Variants in NOL11 observed in about 807,000 individuals in gnomAD.
NOL11 encodes nucleolar protein 11.
A neutral mutation model predicts 93.0 loss-of-function variants in NOL11; 42 were observed. The ratio of observed to expected loss-of-function variants is 0.45; its 90% confidence interval spans 0.35 to 0.58. NOL11 has a LOEUF of 0.58. NOL11 is among the 20% of genes least tolerant of loss of function. NOL11 has a pLI of 0.00. For synonymous variants in NOL11, 296 were observed against 293.7 expected (o/e 1.01, Z -0.08); for missense variants, 775 against 841.8 (o/e 0.92, Z 0.98).
chr17:67,741,934 A>C (rs920718180), intron 16 of NOL11, among the ~76,000 whole-genome samples: 6 of 152,198 alleles, frequency 3.9e-5, no homozygotes, highest in Non-Finnish European at 7.4e-5. Flanking sequence ...TAACCAATGC[A>C]TACTATTTCA....
rs2055220946 is a variant in NOL11, at chr17:67,738,212, A to T, written c.1620A>T (p.Glu540Asp). 2 of 1,613,238 alleles carry T rather than the reference A, an allele frequency of 1.2e-6. No individual in the cohort carries two copies. The highest frequency in any genetic ancestry group is 2.7e-5 in the African/African-American group (2 of 75,044). The change falls in exon 14 of 18, where the codon GAA (glutamate) becomes GAT (aspartate). Residue 540 changes from glutamate (E) to aspartate (D), a missense_variant. Physicochemically the swap from Glu to Asp is conservative, Grantham distance 45 (BLOSUM62 2). Transcript: ENST00000253247. ...ATTCTGTACATGATGAGAAAATGGA[A>T]GAGCAAACTGAAATTCTTCAAAATG... ...SINSVHDEKMEEQTEILQNGF... is the reference protein window; with the variant it reads ...SINSVHDEKMDEQTEILQNGF...
chr17:67,738,191 T>C lies in NOL11; in HGVS notation c.1599T>C (p.Ser533=). The change falls in exon 14 of 18, where the codon TCT becomes TCC. Residue 533 remains serine, a synonymous_variant. Transcript: ENST00000253247. The part of the protein sequence containing the change: ...MESVFDYSIN[S]VHDEKMEEQT... ...CAGTTTTTGACTATAGTATAAATTC[T>C]GTACATGATGAGAAAATGGAAGAGC... The C allele has an allele frequency of 1.2e-6, 2 of 1,613,480 alleles. No homozygotes were observed. Among genetic ancestry groups the C allele is most frequent in the Non-Finnish European group, 1.7e-6 (2 of 1,179,692 alleles).
intron 7 of NOL11, among the ~76,000 whole-genome samples, chr17:67,728,130 G>C (rs2055116390): frequency 6.6e-6 from 1 of 151,848 alleles, no homozygotes; most frequent in African/African-American, 2.4e-5. Context: ...TGTGGTGGTG[G>C]GCACCTGCAG....
At position 67,726,470 on chromosome 17, in the gene NOL11, T is replaced by C; in HGVS notation, c.675T>C (p.Gly225=). ...GCTTGTTTCCAACAGGCTCTGATGG[T>C]TGTATATATGAAACCTTGATACCAA... The part of the protein sequence containing the change: ...FISLMSLSSD[G]CIYETLIPIR... Residue 225 remains glycine (G), a synonymous_variant, in exon 7 of 18, where the codon GGT becomes GGC. Coordinates refer to ENST00000253247, the MANE Select transcript of NOL11 (RefSeq NM_015462.5). The C allele has an allele frequency of 6.2e-7, 1 of 1,611,142 alleles. No homozygotes were observed. Among genetic ancestry groups the C allele is most frequent in the Non-Finnish European group, 8.5e-7 (1 of 1,179,034 alleles).
In NOL11 at chr17:67,737,073, A is replaced by C. The variant is rs2055208610; in HGVS notation, c.1146A>C (p.Leu382Phe). 6.2e-7 allele frequency: 1 copy of C among 1,602,378 alleles called. No individual in the cohort carries two copies. Among genetic ancestry groups the C allele is most frequent in the Non-Finnish European group, 8.6e-7 (1 of 1,169,444 alleles). ...FQNSEQSRRI[L>F]RRRKIEVSLQ... Reference sequence around the variant, plus strand: ...CTAATCAATTTACTTAATTCCAGTTAAGGAGACGAAAAATTGAAGTGAGTT... The same window carrying C: ...CTAATCAATTTACTTAATTCCAGTTCAGGAGACGAAAAATTGAAGTGAGTT... The change falls in exon 11 of 18, where the codon TTA becomes TTC. Residue 382 changes from leucine (L) to phenylalanine (F), a missense_variant and splice_region_variant. Physicochemically the swap from Leu to Phe is conservative, Grantham distance 22. This residue lies in a region of NOL11 where 416 missense variants were observed against 525.2 expected (regional missense o/e 0.79). Transcript: ENST00000253247.
intron 12 of NOL11, 62 bp from the exon 13 acceptor site, chr17:67,737,785 A>C: frequency 6.3e-7 from 1 of 1,585,426 alleles, no homozygotes; most frequent in East Asian, 2.2e-5. Flanking sequence ...AAAGGCTTAT[A>C]AATGTTCTGC....
intron 6 of NOL11, among the ~76,000 whole-genome samples, chr17:67,726,226 A>C (rs1445519740): frequency 6.6e-6 from 1 of 152,186 alleles, no homozygotes; most frequent in East Asian, 1.9e-4. Context: ...AGGTATTTAC[A>C]GTTTGTATTT....
chr17:67,719,619 C>A, intron 1 of NOL11, 55 bp from the exon 2 acceptor site: 1 of 910,698 alleles, frequency 1.1e-6, no homozygotes, highest in Non-Finnish European at 1.7e-6. Context: ...AACTTAATTG[C>A]TTTTAATGTT....
At chr17:67,728,499 G>A (rs898354377) in intron 7 of NOL11, among the ~76,000 whole-genome samples, 1 of 152,084 alleles carries the variant, frequency 6.6e-6, no homozygotes, top group African/African-American at 2.4e-5. Flanking sequence ...CCTGGCTCTT[G>A]ACCACTTCAC....
chr17:67,724,307 C>T, intron 6 of NOL11, 114 bp downstream of exon 6: 5 of 542,728 alleles, frequency 9.2e-6, no homozygotes, highest in South Asian at 3.1e-5. Context: ...CATTTCTGTG[C>T]TTCTTTACAG....
chr17:67,735,951 G>A lies in NOL11; in HGVS notation c.982G>A (p.Val328Met). 1 of 1,612,476 alleles carries A rather than the reference G, an allele frequency of 6.2e-7. No individual in the cohort carries two copies. Among genetic ancestry groups the A allele is most frequent in the South Asian group, 1.1e-5 (1 of 90,928 alleles). The change falls in exon 9 of 18, where the codon GTG (valine) becomes ATG (methionine). Residue 328 changes from valine (V) to methionine (M), a missense_variant. Physicochemically the swap from Val to Met is conservative, Grantham distance 21. This residue lies in a region of NOL11 where 416 missense variants were observed against 525.2 expected (regional missense o/e 0.79). Coordinates refer to ENST00000253247, the MANE Select transcript of NOL11 (RefSeq NM_015462.5). ...TATGCTACATGGAAAATCTCTAACT[G>A]TGATTCCATACAAGTGTGAAGTGTC... ...LFMLHGKSLTVIPYKCEVSSL... is the reference protein window; with the variant it reads ...LFMLHGKSLTMIPYKCEVSSL...
intron 11 of NOL11, 146 bp downstream of exon 11, chr17:67,737,291 C>T (rs892648439): frequency 1.3e-5 from 9 of 686,814 alleles, no homozygotes; most frequent in Admixed American, 1.1e-4. Flanking sequence ...AGAGTTGATC[C>T]GATATTTTGG....
chr17:67,736,836 C>A, intron 10 of NOL11, 82 bp downstream of exon 10: 1 of 1,060,400 alleles, frequency 9.4e-7, no homozygotes, highest in Non-Finnish European at 1.4e-6. Flanking sequence ...TGAATCATAT[C>A]CTTACAACTC....
rs1362489311 is a variant in NOL11, at chr17:67,743,542, G to C, written c.1999G>C (p.Ala667Pro). Residue 667 changes from alanine to proline, a missense_variant, in exon 17 of 18, where the codon GCA (alanine) becomes CCA (proline). This residue lies in a region of NOL11 where 416 missense variants were observed against 525.2 expected (regional missense o/e 0.79). Transcript: ENST00000253247. ...TACTGTTGTTGTAATGATGCCAGAA[G>C]CAAAGAGGCTACTGATAAATCTTTA... ...NFTVVVMMPEAKRLLINLYKL... is the reference protein window; with the variant it reads ...NFTVVVMMPEPKRLLINLYKL... 3 of 1,607,242 alleles carry C rather than the reference G, an allele frequency of 1.9e-6. No individual in the cohort carries two copies. In the South Asian group the frequency reaches 3.3e-5, roughly 18 times the overall value.
rs1204339239 is a variant in NOL11, at chr17:67,743,732, CTT to C, written c.2044-8_2044-7del. ...TTATGGTAAAAGTTACTCTGAAACT[CTT>C]TTCTTTAGATATCTGTTTATTCTGA... On this transcript the variant is annotated splice_polypyrimidine_tract_variant and intron_variant, in intron 17 of 17. Transcript: ENST00000253247. 5 of 1,433,420 alleles carry C rather than the reference CTT, an allele frequency of 3.5e-6. No individual in the cohort carries two copies. In the African/African-American group the frequency reaches 5.8e-5, roughly 17 times the overall value. 88.8% of individuals were successfully genotyped at this position (1,433,420 alleles called of 1,614,324 possible).
At position 67,733,057 on chromosome 17, in the gene NOL11, T is replaced by C. The variant is rs777278256; in HGVS notation, c.854-1306T>C. 4.6e-5 allele frequency among the ~76,000 whole-genome samples: 7 copies of C among 152,184 alleles called. 1 individual carries two copies. The Middle Eastern group carries it at 0.01, about 222-fold the overall frequency. The stretch of plus-strand genomic sequence containing the variant: ...TGTCATCTGTGAGTAGAGTTAGTTT[T>C]ACCTCCATTTAAATTTGGATTTTTG... On this transcript the variant is annotated intron_variant, in intron 7 of 17. Coordinates refer to ENST00000253247, the MANE Select transcript of NOL11 (RefSeq NM_015462.5).
chr17:67,733,890 T>C (rs1238611605), intron 7 of NOL11, among the ~76,000 whole-genome samples: 1 of 152,152 alleles, frequency 6.6e-6, no homozygotes, highest in East Asian at 1.9e-4. Context: ...ATTTGGTTTG[T>C]TGGTATTTTG....
rs1215094836 is a variant in NOL11 at position 67,731,260 on chromosome 17, T to C, written c.854-3103T>C. ...CCCTTCGTGCACAAAAGTTTTTTTTTTTTTTTTTTTTTTTTTTTTTTGAGA... is the reference window on the plus strand; with the variant it reads ...CCCTTCGTGCACAAAAGTTTTTTTTCTTTTTTTTTTTTTTTTTTTTTGAGA... On this transcript the variant is annotated intron_variant, in intron 7 of 17. Transcript: ENST00000253247. Among the ~76,000 whole-genome samples the C allele has an allele frequency of 1.8e-3, 26 of 14,164 alleles. 2 individuals carry two copies. Among genetic ancestry groups the C allele is most frequent in the South Asian group, 0.013 (4 of 304 alleles). 9.3% of individuals were successfully genotyped at this position (14,164 alleles called of 152,430 possible).
At chr17:67,738,431 A>G in intron 14 of NOL11, 76 bp downstream of exon 14, 1 of 892,850 alleles carries the variant, frequency 1.1e-6, no homozygotes, top group South Asian at 1.7e-5. Flanking sequence ...ACCAAGGAGT[A>G]ACTCAATAAT....
Sources: gnomAD v4.1 joint callset for allele counts (sites outside exome capture counted in the v4.1 genomes callset) on GRCh38, gnomAD v4.1.1 for gene constraint, gnomAD v4.1.1 regional missense constraint, MANE v1.5 for transcripts, NCBI Gene and HGNC (gene_info 2026-07-23, HGNC 2026-07-21) for gene names.